The following TECRL variants were observed in gnomAD, a reference collection of about 807,000 sequenced individuals.
TECRL encodes the protein trans-2,3-enoyl-CoA reductase like, also known as trans-2,3-enoyl-CoA reductase-like.
TECRL carries 63 observed loss-of-function variants against 52.8 expected under a neutral mutation model. The ratio of observed to expected loss-of-function variants is 1.19; its 90% confidence interval spans 0.97 to 1.47. The LOEUF is 1.47. TECRL is among the 40% of genes most tolerant of loss of function. The pLI is 0.00. For synonymous variants in TECRL, 164 were observed against 141.9 expected (o/e 1.16, Z -1.10); for missense variants, 482 against 429.6 (o/e 1.12, Z -1.08).
intron 4 of TECRL, among the ~76,000 whole-genome samples, chr4:64,315,767 G>A (rs1312443847): frequency 6.6e-6 from 1 of 151,942 alleles, no homozygotes; most frequent in Admixed American, 6.6e-5. Context: ...ATATATGTGT[G>A]TAATTAAAAG....
At chr4:64,341,484 C>G (rs1044651424) in intron 2 of TECRL, among the ~76,000 whole-genome samples, 1 of 152,096 alleles carries the variant, frequency 6.6e-6, no homozygotes, top group Admixed American at 6.6e-5. Context: ...CCTGTAATCT[C>G]AGCTACTTGG....
At chr4:64,277,578 A>G (rs1722616587), downstream of TECRL, 1 of 152,060 alleles carries the variant, frequency 6.6e-6, no homozygotes, top group Non-Finnish European at 1.5e-5. Flanking sequence ...ATATGTTAGT[A>G]ATAAACAGCC....
intron 2 of TECRL, among the ~76,000 whole-genome samples, chr4:64,362,432 T>A (rs550013515): frequency 3.2e-4 from 48 of 151,106 alleles, no homozygotes; most frequent in African/African-American, 1.1e-3. Flanking sequence ...AAGAAAAAAA[T>A]AAATAAATAA....
chr4:64,337,182 A>T (rs1186976423), intron 2 of TECRL, among the ~76,000 whole-genome samples: 1 of 152,204 alleles, frequency 6.6e-6, no homozygotes, highest in Admixed American at 6.5e-5. Flanking sequence ...AAACCACATG[A>T]TTATCTCAAT....
At chr4:64,378,311 G>A (rs1722538230) in intron 1 of TECRL, among the ~76,000 whole-genome samples, 1 of 151,920 alleles carries the variant, frequency 6.6e-6, no homozygotes. Context: ...CAGGCTTGTA[G>A]AATAAACACT....
chr4:64,300,345 A>G (rs1057478686), intron 7 of TECRL, among the ~76,000 whole-genome samples: 2 of 150,894 alleles, frequency 1.3e-5, no homozygotes, highest in African/African-American at 4.8e-5. Context: ...TGGCACCACA[A>G]AATAACTCTC....
At chr4:64,359,940 A>C (rs1427729411) in intron 2 of TECRL, among the ~76,000 whole-genome samples, 1 of 152,190 alleles carries the variant, frequency 6.6e-6, no homozygotes, top group African/African-American at 2.4e-5. Flanking sequence ...CGCACAAAGA[A>C]AATACAGGCT....
intron 8 of TECRL, among the ~76,000 whole-genome samples, chr4:64,291,338 G>A (rs1345877898): frequency 2.0e-5 from 3 of 151,792 alleles, no homozygotes; most frequent in Non-Finnish European, 2.9e-5. Context: ...CTAACAAATC[G>A]TTAGCACTAC....
intron 8 of TECRL, 58 bp downstream of exon 8, chr4:64,299,912 CTGTT>C (rs935301414): frequency 1.1e-6 from 1 of 894,500 alleles, no homozygotes; most frequent in South Asian, 2.1e-5. Context: ...CAGATACAGT[CTGTT>C]TTTCTTAATA....
chr4:64,346,886 C>A (rs1720027492), intron 2 of TECRL, among the ~76,000 whole-genome samples: 1 of 152,226 alleles, frequency 6.6e-6, no homozygotes, highest in African/African-American at 2.4e-5. Flanking sequence ...AAACTAAACC[C>A]TGTCCTTACT....
At chr4:64,397,165 G>A (rs190484523) in intron 1 of TECRL, among the ~76,000 whole-genome samples, 7 of 152,048 alleles carry the variant, frequency 4.6e-5, no homozygotes, top group Admixed American at 2.0e-4. Context: ...CACATTTTCA[G>A]GTTTCTATGT....
intron 4 of TECRL, among the ~76,000 whole-genome samples, chr4:64,316,840 T>A (rs1281595738): frequency 6.6e-6 from 1 of 152,206 alleles, no homozygotes; most frequent in African/African-American, 2.4e-5. Context: ...ATAGTATTTA[T>A]AGCTCCTCTT....
At chr4:64,375,434 A>G (rs1484344472) in intron 1 of TECRL, among the ~76,000 whole-genome samples, 1 of 152,034 alleles carries the variant, frequency 6.6e-6, no homozygotes, top group African/African-American at 2.4e-5. Context: ...TGTATACAAC[A>G]GTAATAGCTT....
At chr4:64,281,826 T>A (rs1421269808) in intron 9 of TECRL, among the ~76,000 whole-genome samples, 1 of 151,880 alleles carries the variant, frequency 6.6e-6, no homozygotes, top group Non-Finnish European at 1.5e-5. Context: ...GATAATCAAT[T>A]CTTTAAGATC....
intron 5 of TECRL, among the ~76,000 whole-genome samples, chr4:64,310,871 G>A (rs561764734): frequency 3.3e-5 from 5 of 152,114 alleles, no homozygotes; most frequent in East Asian, 1.9e-4. Flanking sequence ...GGACCACACC[G>A]CCATGCCCGG....
chr4:64,367,457 G>A (rs1207892110), intron 2 of TECRL, among the ~76,000 whole-genome samples: 3 of 152,012 alleles, frequency 2.0e-5, no homozygotes, highest in Non-Finnish European at 2.9e-5. Flanking sequence ...ATTCCAGAAT[G>A]TCTTTCAATT....
intron 1 of TECRL, among the ~76,000 whole-genome samples, chr4:64,381,291 G>T (rs1228324711): frequency 1.3e-5 from 2 of 151,216 alleles, no homozygotes; most frequent in African/African-American, 4.8e-5. Context: ...TATTTTTGGT[G>T]GTGTTTTCAT....
intron 1 of TECRL, among the ~76,000 whole-genome samples, chr4:64,389,691 A>C (rs1327894038): frequency 1.3e-5 from 2 of 151,894 alleles, no homozygotes; most frequent in Admixed American, 6.6e-5. Flanking sequence ...TTCCTTAAAT[A>C]TGTAGTAGAA....
intron 5 of TECRL, among the ~76,000 whole-genome samples, chr4:64,313,577 G>A (rs979501020): frequency 2.1e-5 from 3 of 143,756 alleles, no homozygotes; most frequent in Admixed American, 7.4e-5. Flanking sequence ...CACCTCCCGG[G>A]TTCACACCAT....
Sources: gnomAD v4.1 joint callset for allele counts (sites outside exome capture counted in the v4.1 genomes callset) on GRCh38, gnomAD v4.1.1 for gene constraint, MANE v1.5 for transcripts, NCBI Gene and HGNC (gene_info 2026-07-23, HGNC 2026-07-21) for gene names.